Variants in SERPINE2 observed in about 807,000 individuals in gnomAD.
SERPINE2 encodes serpin family E member 2, also known as glia-derived nexin.
A neutral mutation model predicts 36.3 loss-of-function variants in SERPINE2; 14 were observed. The observed-to-expected ratio is 0.39, with a 90% confidence interval of 0.25 to 0.60. The LOEUF is 0.60. Among genes scored for constraint, SERPINE2 ranks in the 20% least tolerant of loss-of-function variants. SERPINE2 has a pLI of 0.57. For synonymous variants in SERPINE2, 192 were observed against 191.8 expected, an observed-to-expected ratio of 1.00 and a Z score of -0.01; for missense variants, 418 against 499.6, an observed-to-expected ratio of 0.84 and a Z score of 1.56.
At chr2:224,001,314 C>T (rs935398391) in intron 2 of SERPINE2, among the ~76,000 whole-genome samples, 38 of 152,332 alleles carry the variant, frequency 2.5e-4, no homozygotes, top group East Asian at 7.7e-4. Flanking sequence ...ACGATCACAG[C>T]GCAACTCAAC....
chr2:224,028,979 T>G (rs182116663), intron 1 of SERPINE2, among the ~76,000 whole-genome samples: 1 of 152,242 alleles, frequency 6.6e-6, no homozygotes, highest in Non-Finnish European at 1.5e-5. Context: ...AAGTGACATA[T>G]GCATTGGAAA....
At chr2:224,005,075 ATATATATATAT>A (rs1691362586) in intron 1 of SERPINE2, among the ~76,000 whole-genome samples, 1 of 7,992 alleles carries the variant, frequency 1.3e-4, no homozygotes. Context: ...TTATATATAT[ATATATATATAT>A]ATATATATAT....
In SERPINE2 at chr2:224,001,839, T is replaced by C; in HGVS notation, c.62A>G (p.His21Arg). ...ASVTLPSICSHFNPLSLEELG... is the reference protein window; with the variant it reads ...ASVTLPSICSRFNPLSLEELG... ...TTCCTCGAGAGACAGAGGATTGAAG[T>C]GGGAGCAGATGGAAGGCAGCGTCAC... Residue 21 changes from histidine to arginine, a missense_variant, in exon 2 of 9, where the codon CAC becomes CGC. His to Arg is a conservative substitution (Grantham distance 29). Coordinates refer to ENST00000409304, the MANE Select transcript of SERPINE2 (RefSeq NM_001136528.2). 6.2e-7 allele frequency: 1 copy of C among 1,613,926 alleles called. No individual in the cohort carries two copies. Among genetic ancestry groups the C allele is most frequent in the East Asian group, 2.2e-5 (1 of 44,872 alleles).
intron 1 of SERPINE2, among the ~76,000 whole-genome samples, chr2:224,021,866 A>G (rs186434519): frequency 0.011 from 1,684 of 152,340 alleles, 38 homozygotes; most frequent in African/African-American, 0.037. Flanking sequence ...TCTACTAAAA[A>G]TACAAAAATT....
At chr2:224,019,395 G>A (rs1390972491) in intron 1 of SERPINE2, among the ~76,000 whole-genome samples, 2 of 152,138 alleles carry the variant, frequency 1.3e-5, no homozygotes, top group Non-Finnish European at 2.9e-5. Context: ...CACCAATAAG[G>A]TGGAGACTAC....
chr2:224,009,936 G>A (rs901408790), intron 1 of SERPINE2, among the ~76,000 whole-genome samples: 5 of 152,080 alleles, frequency 3.3e-5, no homozygotes, highest in East Asian at 1.9e-4. Flanking sequence ...ACAAGTAATC[G>A]GGGTTAAGCC....
Position 223,992,265 on chromosome 2 carries a change from T to A in SERPINE2, c.488-265A>T, listed in dbSNP as rs1690703803. 2.6e-5 allele frequency among the ~76,000 whole-genome samples: 4 copies of A among 152,204 alleles called. No homozygotes were observed. In the South Asian group the frequency reaches 8.3e-4, roughly 32 times the overall value. On this transcript the variant is annotated intron_variant, in intron 3 of 8. Coordinates refer to ENST00000409304, the MANE Select transcript of SERPINE2 (RefSeq NM_001136528.2). The stretch of plus-strand genomic sequence containing the variant: ...TACAAAACTTTTCATCAAGAAATTC[T>A]TTTATTATCAATTCCCTGCAAGTCC...
At chr2:223,998,816 G>C (rs1690996489) in intron 2 of SERPINE2, among the ~76,000 whole-genome samples, 1 of 152,218 alleles carries the variant, frequency 6.6e-6, no homozygotes, top group African/African-American at 2.4e-5. Context: ...AAAGGAGGGA[G>C]TGGGGTTAAA....
At chr2:224,038,630 G>T in intron 1 of SERPINE2, 1 of 868,592 alleles carries the variant, frequency 1.2e-6, no homozygotes, top group Non-Finnish European at 1.9e-6. Flanking sequence ...CTCTGCCCAG[G>T]CAGAGGTAAC....
At position 224,027,696 on chromosome 2, in the gene SERPINE2, T is replaced by C. The variant is rs145787688; in HGVS notation, c.-23+11403A>G. On this transcript the variant is annotated intron_variant, in intron 1 of 8. Transcript: ENST00000409304. The stretch of plus-strand genomic sequence containing the variant: ...TCCCTGATTGCCTCCCCCTCCCCCA[T>C]ACCATATGCCACTGTTCTAGACTAT... Among the ~76,000 whole-genome samples, 563 of 152,300 alleles carry C rather than the reference T, an allele frequency of 3.7e-3. 3 individuals carry two copies. Among genetic ancestry groups the C allele is most frequent in the African/African-American group, 0.013 (538 of 41,554 alleles).
intron 1 of SERPINE2, among the ~76,000 whole-genome samples, chr2:224,017,263 CTACT>C (rs1449472560): frequency 3.9e-5 from 1 of 25,582 alleles, no homozygotes; most frequent in Non-Finnish European, 1.4e-4. Flanking sequence ...CTCTGAATTA[CTACT>C]TTTTTTTTTT....
intron 1 of SERPINE2, among the ~76,000 whole-genome samples, chr2:224,034,047 A>C (rs1178939465): frequency 2.0e-5 from 3 of 152,242 alleles, no homozygotes; most frequent in African/African-American, 7.2e-5. Context: ...AGCATGCAGT[A>C]AACTTACAAA....
At chr2:224,003,314 TGGAAAGGCACTG>T (rs1322320443) in intron 1 of SERPINE2, among the ~76,000 whole-genome samples, 1 of 152,124 alleles carries the variant, frequency 6.6e-6, no homozygotes, top group Non-Finnish European at 1.5e-5. Context: ...CTGTAGAGCC[TGGAAAGGCACTG>T]GGATTTCACT....
At chr2:224,021,748 G>A (rs970988274) in intron 1 of SERPINE2, among the ~76,000 whole-genome samples, 8 of 152,186 alleles carry the variant, frequency 5.3e-5, no homozygotes, top group Non-Finnish European at 7.3e-5. Flanking sequence ...AAGTTAAGGC[G>A]GGTACAGTGG....
chr2:224,004,510 G>C (rs1691318675), intron 1 of SERPINE2, among the ~76,000 whole-genome samples: 1 of 152,126 alleles, frequency 6.6e-6, no homozygotes, highest in Non-Finnish European at 1.5e-5. Flanking sequence ...TTTTGACTTT[G>C]GCACCTAGGA....
At chr2:224,026,987 C>T (rs760592932) in intron 1 of SERPINE2, among the ~76,000 whole-genome samples, 6 of 152,114 alleles carry the variant, frequency 3.9e-5, no homozygotes, top group South Asian at 2.1e-4. Context: ...TACAAAGTTT[C>T]GGGCAAAAAG....
At chr2:224,010,417 A>C (rs752756660) in intron 1 of SERPINE2, 8 of 965,158 alleles carry the variant, frequency 8.3e-6, no homozygotes, top group Non-Finnish European at 9.9e-6. Context: ...TTTTATTATA[A>C]AGTACACTCT....
chr2:223,991,338 A>C (rs1399371611), intron 4 of SERPINE2, among the ~76,000 whole-genome samples: 4 of 152,216 alleles, frequency 2.6e-5, no homozygotes, highest in African/African-American at 9.6e-5. Context: ...TGCCACGAAC[A>C]GTGCCCAAGG....
At chr2:224,019,310 T>C (rs1190691677) in intron 1 of SERPINE2, among the ~76,000 whole-genome samples, 2 of 152,210 alleles carry the variant, frequency 1.3e-5, no homozygotes, top group South Asian at 2.1e-4. Flanking sequence ...ATAAAAGTTA[T>C]TGGAATGTGA....
Sources: allele counts gnomAD v4.1 joint callset (sites outside exome capture counted in the v4.1 genomes callset), GRCh38; gene constraint gnomAD v4.1.1; transcripts MANE v1.5; gene names NCBI Gene and HGNC (gene_info 2026-07-23, HGNC 2026-07-21).